The following FAM133B variants were observed in gnomAD, a reference collection of about 807,000 sequenced individuals.
FAM133B encodes family with sequence similarity 133 member B.
A neutral mutation model predicts 46.4 loss-of-function variants in FAM133B; 25 were observed. The observed-to-expected ratio is 0.54, with a 90% CI of 0.39 to 0.75. FAM133B has a LOEUF of 0.75. FAM133B is among the 30% of genes least tolerant of loss of function. The probability of loss-of-function intolerance (pLI) is 0.00; values close to 1 mark genes in which losing one functional copy is unlikely to be tolerated. For synonymous variants in FAM133B, 75 were observed against 86.0 expected, an observed-to-expected ratio of 0.87 and a Z score of 0.71; for missense variants, 205 against 277.6, an observed-to-expected ratio of 0.74 and a Z score of 1.86.
intron 1 of FAM133B, 123 bp downstream of exon 1, chr7:92,590,145 T>A (rs1342366025): frequency 6.9e-7 from 1 of 1,455,246 alleles, no homozygotes; most frequent in Non-Finnish European, 9.5e-7. Context: ...GGGTGCTGGG[T>A]CTCCAGGCCC....
chr7:92,590,358 C>G lies in FAM133B; in HGVS notation c.-67G>C. On this transcript the variant is annotated 5_prime_UTR_variant, in exon 1 of 11. Transcript: ENST00000445716. The stretch of plus-strand genomic sequence containing the variant: ...GGCCGGAGAGACTGCCGAAGAGGGC[C>G]TGCCGCAGGTCCTCTTGCCGCCTCC... 5.6e-6 allele frequency: 9 copies of G among 1,609,184 alleles called. No homozygotes were observed. The highest frequency in any genetic ancestry group is 6.8e-6 in the Non-Finnish European group (8 of 1,177,854).
At chr7:92,583,942 C>T (rs988198305) in intron 1 of FAM133B, among the ~76,000 whole-genome samples, 3 of 146,930 alleles carry the variant, frequency 2.0e-5, no homozygotes, top group African/African-American at 7.6e-5. Context: ...TCAGCCTACT[C>T]AGGAGGCTGA....
chr7:92,589,618 AT>A (rs2116433798), intron 1 of FAM133B, among the ~76,000 whole-genome samples: 1 of 152,310 alleles, frequency 6.6e-6, no homozygotes, highest in South Asian at 2.1e-4. Context: ...CAAAACTGAC[AT>A]TCCAGTTTTG....
At chr7:92,589,441 T>C (rs963264149) in intron 1 of FAM133B, among the ~76,000 whole-genome samples, 35 of 152,348 alleles carry the variant, frequency 2.3e-4, no homozygotes, top group Admixed American at 1.7e-3. Flanking sequence ...ATCTCTTTTA[T>C]CTCATTCACT....
intron 10 of FAM133B, among the ~76,000 whole-genome samples, chr7:92,564,138 C>T (rs181581789): frequency 6.6e-6 from 1 of 152,272 alleles, no homozygotes. Flanking sequence ...AGCCACTTAC[C>T]TTCTCTTAGT....
intron 9 of FAM133B, among the ~76,000 whole-genome samples, chr7:92,567,199 A>G (rs1257046250): frequency 2.6e-5 from 4 of 152,240 alleles, no homozygotes; most frequent in Non-Finnish European, 4.4e-5. Flanking sequence ...CCTGGGCGAT[A>G]GAGCAAGAAC....
chr7:92,566,350 G>A (rs777779979), intron 9 of FAM133B, among the ~76,000 whole-genome samples: 3 of 152,140 alleles, frequency 2.0e-5, no homozygotes, highest in Middle Eastern at 3.2e-3. Flanking sequence ...TAGGCCGAGT[G>A]TGGTTGCTCT....
intron 9 of FAM133B, among the ~76,000 whole-genome samples, chr7:92,566,999 C>T (rs1794370661): frequency 6.6e-6 from 1 of 152,072 alleles, no homozygotes; most frequent in Non-Finnish European, 1.5e-5. Context: ...TTGCTTGAGG[C>T]CAGGAGTTCA....
chr7:92,579,729 A>G (rs556811122), intron 2 of FAM133B, among the ~76,000 whole-genome samples: 1 of 152,304 alleles, frequency 6.6e-6, no homozygotes, highest in African/African-American at 2.4e-5. Context: ...CATTTTATAG[A>G]TAAAGAAACT....
intron 2 of FAM133B, 122 bp downstream of exon 2, chr7:92,581,384 T>C: frequency 1.3e-6 from 1 of 751,626 alleles, no homozygotes; most frequent in East Asian, 2.7e-5. Flanking sequence ...ATATCAAATG[T>C]TACTTAAAAA....
Position 92,569,964 on chromosome 7 carries a change from C to A in FAM133B, c.517-49G>T, listed in dbSNP as rs559893519. On this transcript the variant is annotated intron_variant, in intron 8 of 10. Coordinates refer to ENST00000445716, the MANE Select transcript of FAM133B (RefSeq NM_152789.4). ...CTTGACTCAGACATACTTTGTCACACACATTTTATGTTTCTAAGTTCTATT... is the reference window on the plus strand; with the variant it reads ...CTTGACTCAGACATACTTTGTCACAAACATTTTATGTTTCTAAGTTCTATT... 1.1e-4 allele frequency: 93 copies of A among 824,540 alleles called. No homozygotes were observed. The African/African-American group carries it at 1.5e-3, about 14-fold the overall frequency. The allele number at this position is 824,540 out of a possible 1,614,324, so 51.1% of individuals were successfully genotyped here.
intron 1 of FAM133B, chr7:92,589,950 G>C (rs997094007): frequency 1.7e-5 from 8 of 457,306 alleles, no homozygotes; most frequent in Non-Finnish European, 3.1e-5. Context: ...GTGTGGGGGG[G>C]GTTCCCCGAG....
intron 1 of FAM133B, among the ~76,000 whole-genome samples, chr7:92,589,282 G>A (rs1024258298): frequency 2.0e-5 from 3 of 152,098 alleles, no homozygotes; most frequent in African/African-American, 4.8e-5. Flanking sequence ...CATAACCTGA[G>A]TTTTTCAGCC....
chr7:92,588,336 T>A (rs1795092866), intron 1 of FAM133B, among the ~76,000 whole-genome samples: 1 of 152,210 alleles, frequency 6.6e-6, no homozygotes, highest in Non-Finnish European at 1.5e-5. Flanking sequence ...TAGGTCTGTA[T>A]ATGAAACTGC....
At position 92,590,139 on chromosome 7, in the gene FAM133B, G is replaced by A. The variant is rs1294646518; in HGVS notation, c.24+129C>T. ...CGCGCATCTGGGATCGGCGGAGGGTGCTGGGTCTCCAGGCCCCACGTCTGA... is the reference window on the plus strand; with the variant it reads ...CGCGCATCTGGGATCGGCGGAGGGTACTGGGTCTCCAGGCCCCACGTCTGA... On this transcript the variant is annotated intron_variant, in intron 1 of 10. Coordinates refer to ENST00000445716, the MANE Select transcript of FAM133B (RefSeq NM_152789.4). 4.3e-6 allele frequency: 6 copies of A among 1,399,406 alleles called. No individual in the cohort carries two copies. In the Admixed American group the frequency reaches 1.1e-4, roughly 26 times the overall value. The allele number at this position is 1,399,406 out of a possible 1,614,324, so 86.7% of individuals were successfully genotyped here.
chr7:92,590,209 C>T, intron 1 of FAM133B, 59 bp downstream of exon 1: 1 of 1,613,050 alleles, frequency 6.2e-7, no homozygotes, highest in Non-Finnish European at 8.5e-7. Flanking sequence ...AGCGAGGGTT[C>T]TCGCTGTCCT....
At chr7:92,564,178 A>G (rs1052328780) in intron 10 of FAM133B, among the ~76,000 whole-genome samples, 1 of 152,108 alleles carries the variant, frequency 6.6e-6, no homozygotes, top group African/African-American at 2.4e-5. Context: ...TATTCTCACT[A>G]TAGGTCTCTA....
At chr7:92,589,830 C>G (rs1795140610) in intron 1 of FAM133B, 2 of 168,002 alleles carry the variant, frequency 1.2e-5, no homozygotes, top group Admixed American at 6.3e-5. Context: ...GCCTCCCTCC[C>G]ACTTGGGTGC....
At position 92,581,499 on chromosome 7, in the gene FAM133B, C is replaced by T. The variant is rs746117713; in HGVS notation, c.122+7G>A. The T allele has an allele frequency of 1.2e-6, 2 of 1,608,812 alleles. No homozygotes were observed. The highest frequency in any genetic ancestry group is 1.3e-5 in the African/African-American group (1 of 74,828). Reference sequence around the variant, plus strand: ...GCTTATAAATAGGTAAAGTGTTTCACAAATACCAGGTAGGCCTTGGTCGAT... The same window carrying T: ...GCTTATAAATAGGTAAAGTGTTTCATAAATACCAGGTAGGCCTTGGTCGAT... On this transcript the variant is annotated splice_region_variant and intron_variant, in intron 2 of 10. Coordinates refer to ENST00000445716, the MANE Select transcript of FAM133B (RefSeq NM_152789.4).
Sources: gnomAD v4.1 joint callset for allele counts (sites outside exome capture counted in the v4.1 genomes callset) on GRCh38, gnomAD v4.1.1 for gene constraint, MANE v1.5 for transcripts, NCBI Gene and HGNC (gene_info 2026-07-23, HGNC 2026-07-21) for gene names.